EIF2B1: variants seen among roughly 807,000 people sequenced by gnomAD.
EIF2B1 encodes translation initiation factor eIF2B subunit alpha.
Under a neutral mutation model 36.8 loss-of-function variants are expected in EIF2B1, and 30 were observed. The observed-to-expected ratio is 0.81, with a 90% confidence interval of 0.61 to 1.10. EIF2B1 has a LOEUF of 1.10. Ranked by LOEUF, EIF2B1 falls within the 50% of genes least tolerant of loss-of-function variation. The pLI is 0.00. For synonymous variants in EIF2B1, 139 were observed against 142.2 expected, an observed-to-expected ratio of 0.98 and a Z score of 0.16; for missense variants, 271 against 374.8, an observed-to-expected ratio of 0.72 and a Z score of 2.29.
intron 4 of EIF2B1, among the ~76,000 whole-genome samples, chr12:123,627,595 C>T (rs975653703): frequency 6.6e-6 from 1 of 152,170 alleles, no homozygotes; most frequent in African/African-American, 2.4e-5. Context: ...GCCTGTAATC[C>T]CAGCATTTTG....
chr12:123,631,177 A>G (rs1485322248), intron 2 of EIF2B1, among the ~76,000 whole-genome samples: 3 of 152,206 alleles, frequency 2.0e-5, no homozygotes, highest in African/African-American at 7.2e-5. Context: ...AAATTTACGC[A>G]TCATGGTTAA....
intron 1 of EIF2B1, among the ~76,000 whole-genome samples, chr12:123,633,341 G>A (rs889632891): frequency 2.0e-5 from 3 of 151,608 alleles, no homozygotes; most frequent in African/African-American, 7.3e-5. Context: ...ATGTGTGGGA[G>A]GGATGCCTGC....
intron 5 of EIF2B1, 172 bp from the exon 6 acceptor site, chr12:123,626,665 AAG>A: frequency 1.3e-6 from 1 of 775,928 alleles, no homozygotes; most frequent in East Asian, 2.7e-5. Flanking sequence ...GTTCTTTAGA[AAG>A]AAGTATTTTT....
At chr12:123,632,492 T>C (rs1349940533) in intron 1 of EIF2B1, 46 bp from the exon 2 acceptor site, 13 of 1,322,882 alleles carry the variant, frequency 9.8e-6, no homozygotes, top group Non-Finnish European at 1.4e-5. Context: ...TTTAGCAGCC[T>C]ATAAGGCAAG....
intron 1 of EIF2B1, among the ~76,000 whole-genome samples, chr12:123,632,910 C>T (rs1317204202): frequency 7.0e-6 from 1 of 142,406 alleles, no homozygotes; most frequent in Non-Finnish European, 1.5e-5. Context: ...TGCGCCACTG[C>T]ACTCCAGCCT....
chr12:123,623,227 A>G (rs1955121198), intron 7 of EIF2B1, among the ~76,000 whole-genome samples: 1 of 151,820 alleles, frequency 6.6e-6, no homozygotes, highest in Non-Finnish European at 1.5e-5. Context: ...TAAAAATACA[A>G]AAAATTAGCT....
chr12:123,627,063 A>C lies in EIF2B1; in HGVS notation c.463T>G (p.Ser155Ala). 6.2e-7 allele frequency: 1 copy of C among 1,613,976 alleles called. No individual in the cohort carries two copies. The highest frequency in any genetic ancestry group is 8.5e-7 in the Non-Finnish European group (1 of 1,179,998). ...ACTTGCCCTGACAAATCAGGCTGTG[A>C]CTCTGTGACGTATACACTAAATCGC... is the stretch of plus-strand genomic sequence containing the variant. ...KKRFSVYVTE[S>A]QPDLSGKKMA... The change falls in exon 5 of 9, where the codon TCA becomes GCA. Residue 155 changes from serine to alanine, a missense_variant. Physicochemically the swap from Ser to Ala is moderately conservative, Grantham distance 99. Transcript: ENST00000424014.
intron 1 of EIF2B1, 110 bp from the exon 2 acceptor site, chr12:123,632,556 TC>T: frequency 1.3e-6 from 1 of 789,472 alleles, no homozygotes; most frequent in Non-Finnish European, 2.2e-6. Context: ...AAAAATACTT[TC>T]TTTTTAGGGT....
chr12:123,626,299 A>T, intron 6 of EIF2B1, 126 bp downstream of exon 6: 2 of 1,085,334 alleles, frequency 1.8e-6, no homozygotes, highest in African/African-American at 1.5e-5. Context: ...GGCAGCTATT[A>T]ATTAAGAAGT....
chr12:123,631,955 C>T (rs953561587), intron 2 of EIF2B1, among the ~76,000 whole-genome samples: 3 of 150,038 alleles, frequency 2.0e-5, no homozygotes, highest in Non-Finnish European at 4.4e-5. Context: ...GCCTGGGAGA[C>T]AAGAGCAAAA....
At position 123,633,588 on chromosome 12, in the gene EIF2B1, C is replaced by A; in HGVS notation, c.-31G>T. The A allele has an allele frequency of 6.2e-7, 1 of 1,606,498 alleles. No homozygotes were observed. Among genetic ancestry groups the A allele is most frequent in the Non-Finnish European group, 8.5e-7 (1 of 1,179,916 alleles). Reference sequence around the variant, plus strand: ...CCTCCTGCTGCGGAGCCCCAGGGGACCCGAGCCGCCCGCGCTGTCTCGAAC... The same window carrying A: ...CCTCCTGCTGCGGAGCCCCAGGGGAACCGAGCCGCCCGCGCTGTCTCGAAC... On this transcript the variant is annotated 5_prime_UTR_variant, in exon 1 of 9. Transcript: ENST00000424014.
rs1566211193 is a variant in EIF2B1 at position 123,620,608 on chromosome 12, A to ATG, written c.*1147_*1148insCA. On this transcript the variant is annotated 3_prime_UTR_variant, in exon 9 of 9. Coordinates refer to ENST00000424014, the MANE Select transcript of EIF2B1 (RefSeq NM_001414.4). The stretch of plus-strand genomic sequence containing the variant: ...TATATATATATATATATATATATAT[A>ATG]TATATATATATATATATATAAGCTC... 3.9e-5 allele frequency: 3 copies of ATG among 76,584 alleles called. No individual in the cohort carries two copies. Among genetic ancestry groups the ATG allele is most frequent in the Non-Finnish European group, 9.7e-5 (3 of 30,934 alleles). The allele number at this position is 76,584 out of a possible 1,614,324, so 4.7% of individuals were successfully genotyped here. A position where few individuals can be genotyped will look rare whatever the true frequency, so the allele number is the denominator to read the frequency against.
In EIF2B1 at chr12:123,632,338, T is replaced by C; in HGVS notation, c.115+7A>G. The C allele has an allele frequency of 1.3e-6, 2 of 1,573,276 alleles. No individual in the cohort carries two copies. The highest frequency in any genetic ancestry group is 1.7e-6 in the Non-Finnish European group (2 of 1,143,666). On this transcript the variant is annotated splice_region_variant and intron_variant, in intron 2 of 8. Coordinates refer to ENST00000424014, the MANE Select transcript of EIF2B1 (RefSeq NM_001414.4). Reference sequence around the variant, plus strand: ...CCCAGAGTGTTAACAGATGACTCTCTATATACCTTTATCTCTCTTCAAGAA... The same window carrying C: ...CCCAGAGTGTTAACAGATGACTCTCCATATACCTTTATCTCTCTTCAAGAA...
At position 123,621,337 on chromosome 12, in the gene EIF2B1, T is replaced by C. The variant is rs1955094569; in HGVS notation, c.*419A>G. The C allele has an allele frequency of 3.3e-6, 1 of 298,830 alleles. No individual in the cohort carries two copies. Among genetic ancestry groups the C allele is most frequent in the Non-Finnish European group, 6.6e-6 (1 of 152,660 alleles). The allele number at this position is 298,830 out of a possible 1,614,324, so 18.5% of individuals were successfully genotyped here. A position where few individuals can be genotyped will look rare whatever the true frequency, so the allele number is the denominator to read the frequency against. On this transcript the variant is annotated 3_prime_UTR_variant, in exon 9 of 9. Transcript: ENST00000424014. ...CTTGCCTCTTACAAGGCACCGCGTG[T>C]AACGTCCTGACCAGCTGTTGGTCAT...
intron 4 of EIF2B1, chr12:123,629,953 G>T (rs1253950445): frequency 6.5e-6 from 4 of 620,022 alleles, no homozygotes; most frequent in Non-Finnish European, 1.2e-5. Flanking sequence ...CACACCCCTT[G>T]CCCCTTACAT....
At chr12:123,632,702 T>C (rs1466573465) in intron 1 of EIF2B1, among the ~76,000 whole-genome samples, 1 of 152,034 alleles carries the variant, frequency 6.6e-6, no homozygotes, top group Non-Finnish European at 1.5e-5. Flanking sequence ...ATCCCAGCAC[T>C]TTGGGAGTCC....
chr12:123,633,106 G>A (rs1329458536), intron 1 of EIF2B1, among the ~76,000 whole-genome samples: 1 of 151,528 alleles, frequency 6.6e-6, no homozygotes, highest in Non-Finnish European at 1.5e-5. Flanking sequence ...CCTCCAGACA[G>A]TCTATGCTAA....
intron 4 of EIF2B1, 106 bp from the exon 5 acceptor site, chr12:123,627,262 T>G: frequency 1.1e-6 from 1 of 871,792 alleles, no homozygotes; most frequent in Non-Finnish European, 1.9e-6. Context: ...TCTGTACACT[T>G]TCTCACAAAT....
chr12:123,624,727 T>G, intron 7 of EIF2B1, 60 bp downstream of exon 7: 1 of 1,421,684 alleles, frequency 7.0e-7, no homozygotes, highest in Non-Finnish European at 9.9e-7. Context: ...TGTGGTGTCC[T>G]AGGTCAGCAA....
Sources: gnomAD v4.1 joint callset for allele counts (sites outside exome capture counted in the v4.1 genomes callset) on GRCh38, gnomAD v4.1.1 for gene constraint, MANE v1.5 for transcripts, NCBI Gene and HGNC (gene_info 2026-07-23, HGNC 2026-07-21) for gene names.